Variants in SBNO1 observed in about 807,000 individuals in gnomAD.
The protein encoded by SBNO1 is strawberry notch homolog 1, also known as protein strawberry notch homolog 1.
Under a neutral mutation model 173.6 loss-of-function variants are expected in SBNO1, and 23 were observed. The ratio of observed to expected loss-of-function variants is 0.13; its 90% CI spans 0.10 to 0.19. The LOEUF is 0.19. SBNO1 is among the 10% of genes least tolerant of loss of function. The pLI is 1.00. For missense variants in SBNO1, 1,238 were observed against 1,671.2 expected (o/e 0.74, Z 4.52); for synonymous variants, 632 against 571.5 (o/e 1.11, Z -1.51).
chr12:123,299,068 CA>C (rs2048695233), intron 30 of SBNO1, among the ~76,000 whole-genome samples: 1 of 151,946 alleles, frequency 6.6e-6, no homozygotes, highest in South Asian at 2.1e-4. Context: ...ACTGAAAATA[CA>C]AAAATTAGCC....
rs899557469 is a variant in SBNO1 at position 123,312,095 on chromosome 12, T to C, written c.3221-966A>G. The stretch of plus-strand genomic sequence containing the variant: ...AATCAAGGAATCTTTTTTTTTTTTT[T>C]CTGAGACAGGGTCTCTCTCACCAGT... On this transcript the variant is annotated intron_variant, in intron 24 of 31. Transcript: ENST00000602398. Among the ~76,000 whole-genome samples the C allele has an allele frequency of 1.5e-4, 22 of 149,748 alleles. 1 individual carries two copies. In the East Asian group the frequency reaches 3.8e-3, roughly 26 times the overall value.
intron 28 of SBNO1, 72 bp downstream of exon 28, chr12:123,309,238 G>C (rs544055621): frequency 1.8e-6 from 2 of 1,094,904 alleles, no homozygotes; most frequent in Non-Finnish European, 2.8e-6. Flanking sequence ...GGTACAAAGT[G>C]AAGAGACAAT....
intron 20 of SBNO1, among the ~76,000 whole-genome samples, chr12:123,318,942 C>T (rs952926467): frequency 2.7e-5 from 4 of 150,360 alleles, no homozygotes; most frequent in African/African-American, 9.8e-5. Flanking sequence ...TTAGATGTCA[C>T]AACACCAAGA....
At chr12:123,358,600 G>A (rs1053060373) in intron 1 of SBNO1, among the ~76,000 whole-genome samples, 14 of 151,664 alleles carry the variant, frequency 9.2e-5, no homozygotes, top group Non-Finnish European at 1.9e-4. Flanking sequence ...AAAATTAGCC[G>A]GGCGCGGTGG....
At chr12:123,364,642 T>C in intron 1 of SBNO1, 59 bp downstream of exon 1, 1 of 974,222 alleles carries the variant, frequency 1.0e-6, no homozygotes, top group South Asian at 4.8e-5. Flanking sequence ...AGGGTGGGAG[T>C]GGGAGGCTGT....
chr12:123,352,568 A>G (rs1874002115), intron 1 of SBNO1, among the ~76,000 whole-genome samples: 1 of 152,204 alleles, frequency 6.6e-6, no homozygotes, highest in African/African-American at 2.4e-5. Context: ...CTGGGATTAC[A>G]GGCCGTGAGC....
intron 3 of SBNO1, among the ~76,000 whole-genome samples, chr12:123,346,189 G>T (rs1873113622): frequency 6.6e-6 from 1 of 152,156 alleles, no homozygotes; most frequent in Non-Finnish European, 1.5e-5. Flanking sequence ...GGTGACACAG[G>T]AGGTTCACTT....
Position 123,353,628 on chromosome 12 carries a change from A to T in SBNO1, c.1-3187T>A, listed in dbSNP as rs112637057. The stretch of plus-strand genomic sequence containing the variant: ...TTCAAAAAAAAGACCAAGTTAACTA[A>T]TTTTTCTAATATAGACACATTTGAC... On this transcript the variant is annotated intron_variant, in intron 1 of 31. Coordinates refer to ENST00000602398, the MANE Select transcript of SBNO1 (RefSeq NM_001167856.3). Among the ~76,000 whole-genome samples, 1,393 of 152,252 alleles carry T rather than the reference A, an allele frequency of 9.1e-3. 11 individuals carry two copies. Among genetic ancestry groups the T allele is most frequent in the Non-Finnish European group, 0.014 (975 of 68,022 alleles).
chr12:123,358,370 T>G (rs990247096), intron 1 of SBNO1, among the ~76,000 whole-genome samples: 5 of 152,230 alleles, frequency 3.3e-5, no homozygotes, highest in African/African-American at 1.2e-4. Flanking sequence ...TATATGGGTG[T>G]GTTTTTTTCT....
In SBNO1 at chr12:123,290,930, T is replaced by TAG. The variant is rs2048503103; in HGVS notation, c.*4976_*4977dup. 1.3e-5 allele frequency: 2 copies of TAG among 151,448 alleles called. No individual in the cohort carries two copies. Among genetic ancestry groups the TAG allele is most frequent in the East Asian group, 3.9e-4 (2 of 5,162 alleles). The allele number at this position is 151,448 out of a possible 1,614,324, so 9.4% of individuals were successfully genotyped here. A position where few individuals can be genotyped will look rare whatever the true frequency, so the allele number is the denominator to read the frequency against. On this transcript the variant is annotated 3_prime_UTR_variant, in exon 32 of 32. Transcript: ENST00000602398. ...GTTTTTTTTTTTTTTGTATTTTTAG[T>TAG]AGAGACGGGGTTTCACCGTGTTAGC...
chr12:123,334,042 T>C lies in SBNO1; in HGVS notation c.909+11A>G. On this transcript the variant is annotated intron_variant, in intron 7 of 31. Coordinates refer to ENST00000602398, the MANE Select transcript of SBNO1 (RefSeq NM_001167856.3). Reference sequence around the variant, plus strand: ...AAAATAATTATTGTATTATGAAATATTATTGCTTACCTGGGCTGCATATGT... The same window carrying C: ...AAAATAATTATTGTATTATGAAATACTATTGCTTACCTGGGCTGCATATGT... 1 of 1,531,230 alleles carries C rather than the reference T, an allele frequency of 6.5e-7. No individual in the cohort carries two copies. The highest frequency in any genetic ancestry group is 8.8e-7 in the Non-Finnish European group (1 of 1,134,832). The allele number at this position is 1,531,230 out of a possible 1,614,324, so 94.9% of individuals were successfully genotyped here.
Position 123,295,062 on chromosome 12 carries a change from A to C in SBNO1, c.*846T>G, listed in dbSNP as rs1043377062. The C allele has an allele frequency of 6.6e-6, 1 of 152,262 alleles. No homozygotes were observed. Among genetic ancestry groups the C allele is most frequent in the Non-Finnish European group, 1.5e-5 (1 of 68,060 alleles). 9.4% of individuals were successfully genotyped at this position (152,262 alleles called of 1,614,324 possible). On this transcript the variant is annotated 3_prime_UTR_variant, in exon 32 of 32. Transcript: ENST00000602398. ...AAAACTACCTTTAAGTTGCAAATGT[A>C]AATTTAAGAGGCTCATAGCCATTTC...
chr12:123,345,220 C>G (rs1872987871), intron 4 of SBNO1, 38 bp downstream of exon 4: 2 of 1,536,178 alleles, frequency 1.3e-6, no homozygotes, highest in East Asian at 2.3e-5. Flanking sequence ...CATAGCTTAC[C>G]AGAGAGAGAA....
chr12:123,303,526 A>G (rs1176776711), intron 29 of SBNO1, among the ~76,000 whole-genome samples: 1 of 152,130 alleles, frequency 6.6e-6, no homozygotes, highest in Non-Finnish European at 1.5e-5. Context: ...GCACATGCCT[A>G]TAATCCCAGC....
chr12:123,349,810 G>A (rs1429269244), intron 2 of SBNO1, among the ~76,000 whole-genome samples: 1 of 152,038 alleles, frequency 6.6e-6, no homozygotes, highest in Non-Finnish European at 1.5e-5. Context: ...AACTACTCAG[G>A]AGGCTGAGGC....
chr12:123,297,182 A>G (rs1219799741), intron 31 of SBNO1, among the ~76,000 whole-genome samples: 1 of 151,270 alleles, frequency 6.6e-6, no homozygotes, highest in Non-Finnish European at 1.5e-5. Flanking sequence ...CAACATGGTG[A>G]AAACCCATCT....
At position 123,291,703 on chromosome 12, in the gene SBNO1, A is replaced by G. The variant is rs185069020; in HGVS notation, c.*4205T>C. 2.0e-5 allele frequency: 3 copies of G among 149,220 alleles called. No homozygotes were observed. Among genetic ancestry groups the G allele is most frequent in the Non-Finnish European group, 3.0e-5 (2 of 67,268 alleles). 9.2% of individuals were successfully genotyped at this position (149,220 alleles called of 1,614,324 possible). A position where few individuals can be genotyped will look rare whatever the true frequency, so the allele number is the denominator to read the frequency against. ...TTAAAAAAAAAAAAAAAAAAAAGTCATAAGATGCCCCATATGGGAAAGTCA... is the reference window on the plus strand; with the variant it reads ...TTAAAAAAAAAAAAAAAAAAAAGTCGTAAGATGCCCCATATGGGAAAGTCA... On this transcript the variant is annotated 3_prime_UTR_variant, in exon 32 of 32. Transcript: ENST00000602398.
chr12:123,297,422 A>AAAAAAAAAAAAAAAAAAAAAAAT (rs1555243597), intron 31 of SBNO1, among the ~76,000 whole-genome samples: 2 of 148,066 alleles, frequency 1.4e-5, no homozygotes, highest in Non-Finnish European at 3.0e-5. Flanking sequence ...AAAAAAAAAA[A>AAAAAAAAAAAAAAAAAAAAAAAT]TTCCATAGAC....
chr12:123,351,468 A>T (rs1009000623), intron 1 of SBNO1, among the ~76,000 whole-genome samples: 19 of 152,222 alleles, frequency 1.2e-4, no homozygotes, highest in Non-Finnish European at 2.2e-4. Context: ...CTACAAAAAA[A>T]TTTTTTTAAT....
Sources: allele counts gnomAD v4.1 joint callset (sites outside exome capture counted in the v4.1 genomes callset), GRCh38; gene constraint gnomAD v4.1.1; transcripts MANE v1.5; gene names NCBI Gene and HGNC (gene_info 2026-07-23, HGNC 2026-07-21).